LRP12: variants seen among roughly 807,000 people sequenced by gnomAD.
LRP12 encodes the protein low-density lipoprotein receptor-related protein 12.
A neutral mutation model predicts 66.0 loss-of-function variants in LRP12; 14 were observed. The observed-to-expected ratio is 0.21, with a 90% CI of 0.14 to 0.33. The LOEUF is 0.33. Ranked by LOEUF, LRP12 falls within the 10% of genes least tolerant of loss-of-function variation. LRP12 has a pLI of 1.00. For missense variants in LRP12, 889 were observed against 1,053.4 expected, an observed-to-expected ratio of 0.84 and a Z score of 2.16; for synonymous variants, 357 against 359.1, an observed-to-expected ratio of 0.99 and a Z score of 0.07.
At chr8:104,572,209 T>A (rs986052065) in intron 1 of LRP12, among the ~76,000 whole-genome samples, 3 of 152,046 alleles carry the variant, frequency 2.0e-5, no homozygotes, top group African/African-American at 7.3e-5. Flanking sequence ...AAGACAAAAC[T>A]ATGGTTAGGA....
rs765102355 is a variant in LRP12, at chr8:104,588,967, CCGA to C, written c.-73_-71del. 182,260 of 886,116 alleles carry C rather than the reference CCGA, an allele frequency of 0.21. 22,071 individuals carry two copies. The highest frequency in any genetic ancestry group is 0.35 in the African/African-American group (13,652 of 39,560). The allele number at this position is 886,116 out of a possible 1,614,324, so 54.9% of individuals were successfully genotyped here. Reference sequence around the variant, plus strand: ...GAGGAGAAGCTGGAGGTAGACGACGCCGACGCCGCCGCCGCCGCCGCCGCCGCC... The same window carrying C: ...GAGGAGAAGCTGGAGGTAGACGACGCCGCCGCCGCCGCCGCCGCCGCCGCC... On this transcript the variant is annotated 5_prime_UTR_variant, in exon 1 of 7. Coordinates refer to ENST00000276654, the MANE Select transcript of LRP12 (RefSeq NM_013437.5).
intron 2 of LRP12, among the ~76,000 whole-genome samples, chr8:104,530,376 T>G (rs1056315487): frequency 8.5e-5 from 13 of 152,240 alleles, no homozygotes; most frequent in Non-Finnish European, 1.9e-4. Context: ...GATGGGACCC[T>G]AATACCATAG....
At chr8:104,518,243 C>T (rs1332502360) in intron 2 of LRP12, among the ~76,000 whole-genome samples, 1 of 152,010 alleles carries the variant, frequency 6.6e-6, no homozygotes, top group African/African-American at 2.4e-5. Context: ...TTACCTAACA[C>T]TTATTGAACT....
intron 1 of LRP12, among the ~76,000 whole-genome samples, chr8:104,579,411 C>T (rs992303684): frequency 3.3e-5 from 5 of 152,024 alleles, no homozygotes; most frequent in South Asian, 2.1e-4. Context: ...TATAAAACTA[C>T]GCTTACAGAA....
chr8:104,548,663 T>TAATTAAATTAATTATATAATTATTATAG (rs1811678341), intron 1 of LRP12, among the ~76,000 whole-genome samples: 1 of 139,260 alleles, frequency 7.2e-6, no homozygotes, highest in Non-Finnish European at 1.5e-5. Flanking sequence ...AATTATTATA[T>TAATTAAATTAATTATATAATTATTATAG]AATTAATATG....
chr8:104,501,062 T>C (rs1263685671), intron 3 of LRP12, among the ~76,000 whole-genome samples: 1 of 152,236 alleles, frequency 6.6e-6, no homozygotes, highest in African/African-American at 2.4e-5. Flanking sequence ...TTTCTATTTC[T>C]TTTACTCCAA....
At chr8:104,528,706 C>A (rs770576992) in intron 2 of LRP12, among the ~76,000 whole-genome samples, 1 of 151,768 alleles carries the variant, frequency 6.6e-6, no homozygotes, top group African/African-American at 2.4e-5. Flanking sequence ...ACCCGGGAGG[C>A]AGCGGTCGTA....
intron 4 of LRP12, among the ~76,000 whole-genome samples, chr8:104,498,713 A>G (rs1810777616): frequency 6.6e-6 from 1 of 152,230 alleles, no homozygotes; most frequent in South Asian, 2.1e-4. Flanking sequence ...ATCTTTATAA[A>G]TGGAATGATT....
At chr8:104,526,235 T>C (rs1811235963) in intron 2 of LRP12, among the ~76,000 whole-genome samples, 3 of 151,654 alleles carry the variant, frequency 2.0e-5, no homozygotes, top group Admixed American at 6.6e-5. Context: ...AGAATCAATA[T>C]CATGAAAATG....
At chr8:104,527,636 A>C (rs1236566393) in intron 2 of LRP12, among the ~76,000 whole-genome samples, 1 of 152,040 alleles carries the variant, frequency 6.6e-6, no homozygotes, top group Admixed American at 6.6e-5. Flanking sequence ...GAACAATGAG[A>C]ACACATGGAC....
At chr8:104,495,932 C>CA (rs71297279) in intron 5 of LRP12, 14,929 of 93,092 alleles carry the variant, frequency 0.16, 943 homozygotes, top group African/African-American at 0.26. Flanking sequence ...AAACAAACAA[C>CA]AAAAAAAAAA....
chr8:104,548,123 T>G (rs1449520952), intron 1 of LRP12, among the ~76,000 whole-genome samples: 1 of 104,596 alleles, frequency 9.6e-6, no homozygotes, highest in Non-Finnish European at 1.7e-5. Flanking sequence ...ATATTTTGTA[T>G]ATAATATATA....
chr8:104,525,577 A>C (rs1423925572), intron 2 of LRP12, among the ~76,000 whole-genome samples: 1 of 152,214 alleles, frequency 6.6e-6, no homozygotes, highest in Non-Finnish European at 1.5e-5. Flanking sequence ...AGAAAAGTTA[A>C]TATTAATTCA....
chr8:104,509,451 C>T (rs1292982300), intron 2 of LRP12, among the ~76,000 whole-genome samples: 1 of 152,202 alleles, frequency 6.6e-6, no homozygotes, highest in Non-Finnish European at 1.5e-5. Context: ...CTCTGTCCCT[C>T]CCGGGACATG....
intron 1 of LRP12, among the ~76,000 whole-genome samples, chr8:104,584,686 A>C (rs992515011): frequency 6.6e-6 from 1 of 152,164 alleles, no homozygotes. Context: ...ATTTTGTGGA[A>C]TGTGCTGCCC....
chr8:104,548,719 C>T (rs981488796), intron 1 of LRP12, among the ~76,000 whole-genome samples: 14 of 138,756 alleles, frequency 1.0e-4, no homozygotes, highest in African/African-American at 3.8e-4. Context: ...GGGAGGCAGG[C>T]GGATCACTTG....
chr8:104,544,317 A>G (rs960077135), intron 1 of LRP12, among the ~76,000 whole-genome samples: 3 of 152,188 alleles, frequency 2.0e-5, no homozygotes, highest in Admixed American at 6.5e-5. Flanking sequence ...ACATAACATA[A>G]AAGTGCAAGG....
chr8:104,548,375 TA>T (rs1811661559), intron 1 of LRP12, among the ~76,000 whole-genome samples: 1 of 65,648 alleles, frequency 1.5e-5, no homozygotes, highest in Non-Finnish European at 2.5e-5. Context: ...ATAAATATAT[TA>T]TATAAATATA....
chr8:104,506,839 G>A (rs1037591464), intron 3 of LRP12: 10 of 152,050 alleles, frequency 6.6e-5, no homozygotes, highest in Admixed American at 6.6e-5. Flanking sequence ...TATACAGACA[G>A]TTCTCAGTAT....
Sources: allele counts gnomAD v4.1 joint callset (sites outside exome capture counted in the v4.1 genomes callset), GRCh38; gene constraint gnomAD v4.1.1; transcripts MANE v1.5; gene names NCBI Gene and HGNC (gene_info 2026-07-23, HGNC 2026-07-21).